Variants in C4orf54 observed in about 807,000 individuals in gnomAD.
C4orf54 encodes the protein uncharacterized protein C4orf54.
Under a neutral mutation model 80.1 loss-of-function variants are expected in C4orf54, and 67 were observed. The ratio of observed to expected loss-of-function variants is 0.84; its 90% CI spans 0.69 to 1.03. The LOEUF (loss-of-function observed/expected upper bound fraction) is 1.03. C4orf54 is among the 50% of genes least tolerant of loss of function. C4orf54 has a pLI of 0.00. For missense variants in C4orf54, 2,434 were observed against 2,253.5 expected (o/e 1.08, Z -1.62); for synonymous variants, 1,000 against 917.0 (o/e 1.09, Z -1.64).
At position 99,650,058 on chromosome 4, in the gene C4orf54, C is replaced by G; in HGVS notation, c.4591G>C (p.Ala1531Pro). ...GGGTTGTCAGGTTTGGTACGCCAAG[C>G]TGGTCGGCTGGTTCCACTAACCTGA... ...GSQVSGTSRP[A>P]WRTKPDNPRE... Residue 1531 changes from alanine (A) to proline (P), a missense_variant, in exon 2 of 3, where the codon GCT (alanine) becomes CCT (proline). Physicochemically the swap from Ala to Pro is conservative, Grantham distance 27. Coordinates refer to ENST00000511828, the MANE Select transcript of C4orf54 (RefSeq NM_001354435.2). 6.5e-7 allele frequency: 1 copy of G among 1,535,894 alleles called. No homozygotes were observed.
rs1726507408 is a variant in C4orf54, at chr4:99,636,651, G to A, written c.*4582C>T. ...CATTTACAAATGCTGGCAATTAAAG[G>A]TAAGTAGCCTAGTCTCACAGAATCC... On this transcript the variant is annotated 3_prime_UTR_variant, in exon 3 of 3. Transcript: ENST00000511828. 6.6e-6 allele frequency: 1 copy of A among 152,056 alleles called. No homozygotes were observed. Among genetic ancestry groups the A allele is most frequent in the South Asian group, 2.1e-4 (1 of 4,824 alleles). 9.4% of individuals were successfully genotyped at this position (152,056 alleles called of 1,614,324 possible).
At position 99,652,641 on chromosome 4, in the gene C4orf54, C is replaced by T. The variant is rs1726868272; in HGVS notation, c.2008G>A (p.Gly670Arg). The change falls in exon 2 of 3, where the codon GGG (glycine) becomes AGG (arginine). Residue 670 changes from glycine (G) to arginine (R), a missense_variant. Transcript: ENST00000511828. The part of the protein sequence containing the change: ...RWSTFLDLKC[G>R]GVGARVEQSL... ...TGCTCCACCCTGGCCCCAACACCCC[C>T]ACATTTTAAGTCCAGGAAAGTTGAC... 3.9e-6 allele frequency: 6 copies of T among 1,536,062 alleles called. No individual in the cohort carries two copies. The highest frequency in any genetic ancestry group is 2.4e-5 in the East Asian group (1 of 40,886).
chr4:99,643,930 T>C (rs529414857), intron 2 of C4orf54, among the ~76,000 whole-genome samples: 1 of 152,286 alleles, frequency 6.6e-6, no homozygotes, highest in Non-Finnish European at 1.5e-5. Flanking sequence ...TAATGTTTCA[T>C]ATAATTAACC....
At chr4:99,649,189 C>T (rs1290520451) in intron 2 of C4orf54, 42 bp downstream of exon 2, 43 of 1,422,508 alleles carry the variant, frequency 3.0e-5, no homozygotes, top group Non-Finnish European at 3.8e-5. Context: ...AAATATTGTT[C>T]TTACTCTCTT....
rs899318505 is a variant in C4orf54 at position 99,652,894 on chromosome 4, A to G, written c.1755T>C (p.Ala585=). ...ACCTGGTTTGCAGGCGAGCAGGTACAGCAATGAATTTCTTTGCATGGTCCT... is the reference window on the plus strand; with the variant it reads ...ACCTGGTTTGCAGGCGAGCAGGTACGGCAATGAATTTCTTTGCATGGTCCT... The part of the protein sequence containing the change: ...VAQDHAKKFI[A]VPARLQTRCG... Residue 585 remains alanine (A), a synonymous_variant, in exon 2 of 3, where the codon GCT becomes GCC. Transcript: ENST00000511828. The G allele has an allele frequency of 3.3e-6, 5 of 1,536,032 alleles. No homozygotes were observed. Among genetic ancestry groups the G allele is most frequent in the Non-Finnish European group, 4.4e-6 (5 of 1,146,920 alleles).
rs1462918375 is a variant in C4orf54, at chr4:99,653,190, T to C, written c.1459A>G (p.Thr487Ala). ...GPTPPPTGPG[T>A]APLTEPLPET... ...GGCAAGGGCTCAGTCAGGGGGGCAG[T>C]GCCAGGCCCAGTGGGTGGGGGAGTG... The change falls in exon 2 of 3, where the codon ACT (threonine) becomes GCT (alanine). Residue 487 changes from threonine to alanine, a missense_variant. Transcript: ENST00000511828. 6.5e-7 allele frequency: 1 copy of C among 1,535,766 alleles called. No individual in the cohort carries two copies. Among genetic ancestry groups the C allele is most frequent in the Non-Finnish European group, 8.7e-7 (1 of 1,146,744 alleles).
intron 2 of C4orf54, among the ~76,000 whole-genome samples, chr4:99,643,773 CACACACACACACACACACA>C (rs1726645767): frequency 2.1e-5 from 3 of 141,924 alleles, no homozygotes; most frequent in African/African-American, 5.3e-5. Flanking sequence ...CACACACACA[CACACACACACACACACACA>C]CCCCCTCCGC....
Position 99,654,621 on chromosome 4 carries a change from G to A in C4orf54, c.28C>T (p.Arg10Trp), listed in dbSNP as rs758769785. 4.5e-5 allele frequency: 31 copies of A among 695,416 alleles called. No homozygotes were observed. Among genetic ancestry groups the A allele is most frequent in the South Asian group, 8.9e-5 (6 of 67,452 alleles). 43.1% of individuals were successfully genotyped at this position (695,416 alleles called of 1,614,324 possible). ...GAAGCAGCATCTGTAGGTTGACCCC[G>A]GGACTTCCAGAAATGAAAGGAAAGC... MLSFHFWKS[R>W]GQPTDAASSV... The change falls in exon 2 of 3, where the codon CGG becomes TGG. Residue 10 changes from arginine (R) to tryptophan (W), a missense_variant. Transcript: ENST00000511828.
Position 99,650,743 on chromosome 4 carries a change from T to TACCC in C4orf54, c.3902_3905dup (p.Val1303GlyfsTer5). ...TGTCGTGGTCTCCATCAGCAACCACTACCCCTTCCCTCTCCTCACTGGCAA... is the reference window on the plus strand; with the variant it reads ...TGTCGTGGTCTCCATCAGCAACCACTACCCACCCCTTCCCTCTCCTCACTGGCAA... On this transcript the variant is annotated frameshift_variant, in exon 2 of 3. Coordinates refer to ENST00000511828, the MANE Select transcript of C4orf54 (RefSeq NM_001354435.2). LOFTEE classifies it high-confidence loss of function. 1 of 1,536,076 alleles carries TACCC rather than the reference T, an allele frequency of 6.5e-7. No individual in the cohort carries two copies. The highest frequency in any genetic ancestry group is 1.2e-5 in the South Asian group (1 of 84,056).
chr4:99,652,481 T>G lies in C4orf54; in HGVS notation c.2168A>C (p.Lys723Thr), dbSNP rs1726863186. 6.5e-7 allele frequency: 1 copy of G among 1,535,752 alleles called. No individual in the cohort carries two copies. Among genetic ancestry groups the G allele is most frequent in the Non-Finnish European group, 8.7e-7 (1 of 1,146,666 alleles). Residue 723 changes from lysine to threonine, a missense_variant, in exon 2 of 3, where the codon AAA becomes ACA. By Grantham distance (78) the Lys-to-Thr change is moderately conservative. Transcript: ENST00000511828. ...QTKALEFVVS[K>T]VEGEIKHVET... ...CACATGTTTGATTTCCCCCTCGACT[T>G]TGCTGACCACGAACTCCAAGGCCTT...
intron 1 of C4orf54, among the ~76,000 whole-genome samples, chr4:99,654,936 T>G (rs1726955393): frequency 6.6e-6 from 1 of 152,240 alleles, no homozygotes; most frequent in Non-Finnish European, 1.5e-5. Flanking sequence ...TTTGATTAAA[T>G]GGTTCCCCCC....
intron 2 of C4orf54, among the ~76,000 whole-genome samples, chr4:99,648,705 A>C (rs1235278470): frequency 6.6e-6 from 1 of 152,224 alleles, no homozygotes; most frequent in Non-Finnish European, 1.5e-5. Flanking sequence ...AGGAAGATAC[A>C]GAGGAGAAAG....
In C4orf54 at chr4:99,651,628, C is replaced by G; in HGVS notation, c.3021G>C (p.Gln1007His). The G allele has an allele frequency of 6.5e-7, 1 of 1,536,084 alleles. No individual in the cohort carries two copies. The highest frequency in any genetic ancestry group is 8.7e-7 in the Non-Finnish European group (1 of 1,146,904). The change falls in exon 2 of 3, where the codon CAG becomes CAC. Residue 1007 changes from glutamine to histidine, a missense_variant. Physicochemically the swap from Gln to His is conservative, Grantham distance 24. Transcript: ENST00000511828. The stretch of plus-strand genomic sequence containing the variant: ...CCTGAGCAGCAGGGTACTTGGTGGC[C>G]TGCTTCCTCGGCTGCTTGTCCTTGG... The part of the protein sequence containing the change: ...QTPKDKQPRK[Q>H]ATKYPAAQAT...
Position 99,654,778 on chromosome 4 carries a change from T to G in C4orf54, c.-31-99A>C, listed in dbSNP as rs1042008842. ...ACACTTGAGGGTAGAAAGAAGAGGC[T>G]CTAATGAGATGAAAAGAGAAGGTTG... On this transcript the variant is annotated intron_variant, in intron 1 of 2. Transcript: ENST00000511828. 15 of 587,384 alleles carry G rather than the reference T, an allele frequency of 2.6e-5. No homozygotes were observed. In the Admixed American group the frequency reaches 4.1e-4, roughly 16 times the overall value. The allele number at this position is 587,384 out of a possible 1,614,324, so 36.4% of individuals were successfully genotyped here.
chr4:99,643,948 G>C (rs763506061), intron 2 of C4orf54, among the ~76,000 whole-genome samples: 26 of 152,130 alleles, frequency 1.7e-4, no homozygotes, highest in Middle Eastern at 6.8e-3. Context: ...ACCCTTTAAC[G>C]TACTGATGTG....
In C4orf54 at chr4:99,650,450, A is replaced by C; in HGVS notation, c.4199T>G (p.Val1400Gly). Reference protein sequence around the residue: ...PLPSNRNVFTVSASSIQKTGG... With the variant: ...PLPSNRNVFTGSASSIQKTGG... ...AGTTTTCTGGATGCTGCTGGCACTC[A>C]CTGTGAACACGTTCCGGTTGCTGGG... The change falls in exon 2 of 3, where the codon GTG becomes GGG. Residue 1400 changes from valine to glycine, a missense_variant. Transcript: ENST00000511828. The C allele has an allele frequency of 6.5e-7, 1 of 1,535,846 alleles. No individual in the cohort carries two copies. Among genetic ancestry groups the C allele is most frequent in the Non-Finnish European group, 8.7e-7 (1 of 1,146,828 alleles).
Position 99,651,573 on chromosome 4 carries a change from C to A in C4orf54, c.3076G>T (p.Ala1026Ser). The A allele has an allele frequency of 6.5e-7, 1 of 1,536,106 alleles. No individual in the cohort carries two copies. Among genetic ancestry groups the A allele is most frequent in the Non-Finnish European group, 8.7e-7 (1 of 1,146,892 alleles). The change falls in exon 2 of 3, where the codon GCT becomes TCT. Residue 1026 changes from alanine to serine, a missense_variant. Transcript: ENST00000511828. ...ATSTAVIRPK[A>S]PEIKIRLGSV... ...CCCAGCCGGATCTTGATTTCGGGAG[C>A]CTTGGGTCTGATCACCGCTGTGGAG...
rs775713060 is a variant in C4orf54 at position 99,653,306 on chromosome 4, G to A, written c.1343C>T (p.Thr448Ile). The change falls in exon 2 of 3, where the codon ACA (threonine) becomes ATA (isoleucine). Residue 448 changes from threonine to isoleucine, a missense_variant. Transcript: ENST00000511828. ...ATTGGGGCGGGCCAGGTCGCTGCTT[G>A]TAGGGCTGGGCGTCCGGGTGGTGTT... ...STNTTRTPSP[T>I]SSDLARPNAG... The A allele has an allele frequency of 2.1e-5, 32 of 1,532,356 alleles. No individual in the cohort carries two copies. The South Asian group carries it at 3.3e-4, about 16-fold the overall frequency. 94.9% of individuals were successfully genotyped at this position (1,532,356 alleles called of 1,614,324 possible). A position where few individuals can be genotyped will look rare whatever the true frequency, so the allele number is the denominator to read the frequency against.
At position 99,637,777 on chromosome 4, in the gene C4orf54, AC is replaced by A. The variant is rs973413983; in HGVS notation, c.*3455del. 1 of 152,120 alleles carries A rather than the reference AC, an allele frequency of 6.6e-6. No individual in the cohort carries two copies. Among genetic ancestry groups the A allele is most frequent in the Non-Finnish European group, 1.5e-5 (1 of 68,002 alleles). The allele number at this position is 152,120 out of a possible 1,614,324, so 9.4% of individuals were successfully genotyped here. A position where few individuals can be genotyped will look rare whatever the true frequency, so the allele number is the denominator to read the frequency against. On this transcript the variant is annotated 3_prime_UTR_variant, in exon 3 of 3. Transcript: ENST00000511828. ...CATACCCTGAGAATTTGGGGTGCAA[AC>A]CTACACCTTGTAAACTGTAGAATGA...
Sources: gnomAD v4.1 joint callset for allele counts (sites outside exome capture counted in the v4.1 genomes callset) on GRCh38, gnomAD v4.1.1 for gene constraint, MANE v1.5 for transcripts, NCBI Gene and HGNC (gene_info 2026-07-23, HGNC 2026-07-21) for gene names.